PLCH1: variants seen among roughly 807,000 people sequenced by gnomAD.
PLCH1 encodes the protein phospholipase C eta 1, also known as 1-phosphatidylinositol 4,5-bisphosphate phosphodiesterase eta-1.
In PLCH1, 60 loss-of-function variants were observed where a neutral mutation model predicts 126.7. That is an observed-to-expected ratio of 0.47 (90% CI 0.38 to 0.59). The LOEUF is 0.59. Ranked by LOEUF, PLCH1 falls within the 20% of genes least tolerant of loss-of-function variation. The pLI is 0.00. For synonymous variants in PLCH1, 719 were observed against 734.9 expected, an observed-to-expected ratio of 0.98 and a Z score of 0.35; for missense variants, 1,723 against 2,040.0, an observed-to-expected ratio of 0.84 and a Z score of 2.99.
chr3:155,722,393 C>T (rs1383555589), intron 1 of PLCH1, among the ~76,000 whole-genome samples: 1 of 152,096 alleles, frequency 6.6e-6, no homozygotes, highest in Non-Finnish European at 1.5e-5. Flanking sequence ...AACTCCTGAC[C>T]TCAGGTGATC....
intron 13 of PLCH1, among the ~76,000 whole-genome samples, chr3:155,502,565 T>A (rs1481276321): frequency 6.6e-6 from 1 of 152,172 alleles, no homozygotes; most frequent in African/African-American, 2.4e-5. Context: ...GTAATAAATG[T>A]CTTTTTAAGA....
intron 2 of PLCH1, among the ~76,000 whole-genome samples, chr3:155,649,492 C>T (rs1343833379): frequency 6.6e-6 from 1 of 152,170 alleles, no homozygotes; most frequent in African/African-American, 2.4e-5. Flanking sequence ...TATGCTACAC[C>T]TCAGAGCAGC....
At chr3:155,689,400 T>C (rs899323041) in intron 2 of PLCH1, among the ~76,000 whole-genome samples, 19 of 152,012 alleles carry the variant, frequency 1.2e-4, no homozygotes, top group Admixed American at 5.2e-4. Context: ...ATCAGCATCA[T>C]CCAAGAAAAC....
intron 14 of PLCH1, among the ~76,000 whole-genome samples, chr3:155,499,616 ATGC>A (rs1717592816): frequency 6.6e-6 from 1 of 152,248 alleles, no homozygotes; most frequent in Admixed American, 6.5e-5. Context: ...ACTAAGCAGC[ATGC>A]AAAATGATTT....
At chr3:155,711,508 A>G (rs570044641) in intron 1 of PLCH1, among the ~76,000 whole-genome samples, 1 of 152,318 alleles carries the variant, frequency 6.6e-6, no homozygotes, top group Admixed American at 6.5e-5. Flanking sequence ...GACAATGAAA[A>G]AAAAAATCCT....
chr3:155,655,093 T>C (rs780212849), intron 2 of PLCH1, among the ~76,000 whole-genome samples: 12 of 152,176 alleles, frequency 7.9e-5, no homozygotes, highest in Non-Finnish European at 1.6e-4. Context: ...TATCCAGGCT[T>C]CTACTCAAAT....
chr3:155,518,250 T>C (rs1720619562), intron 11 of PLCH1, among the ~76,000 whole-genome samples: 1 of 152,222 alleles, frequency 6.6e-6, no homozygotes, highest in Non-Finnish European at 1.5e-5. Context: ...GGGGAGACTG[T>C]ATTGTACTAA....
intron 21 of PLCH1, among the ~76,000 whole-genome samples, chr3:155,458,507 G>C (rs1315764471): frequency 3.9e-5 from 4 of 102,212 alleles, no homozygotes; most frequent in Non-Finnish European, 7.2e-5. Flanking sequence ...AGAGAAAGAA[G>C]AGAGAGAAAT....
At chr3:155,598,713 G>GTAACTCATT (rs1733319285) in intron 2 of PLCH1, among the ~76,000 whole-genome samples, 2 of 152,156 alleles carry the variant, frequency 1.3e-5, no homozygotes, top group Admixed American at 1.3e-4. Flanking sequence ...CATACAGCTA[G>GTAACTCATT]TAACTCATTT....
intron 10 of PLCH1, among the ~76,000 whole-genome samples, chr3:155,531,686 C>T (rs1722700983): frequency 6.6e-6 from 1 of 152,176 alleles, no homozygotes; most frequent in South Asian, 2.1e-4. Context: ...TTAGCTAAAC[C>T]TTCTAGATCC....
rs1436802749 is a variant in PLCH1, at chr3:155,573,923, C to CT, written c.772-5600dup. On this transcript the variant is annotated intron_variant, in intron 6 of 22. Coordinates refer to ENST00000460012, the MANE Select transcript of PLCH1 (RefSeq NM_014996.4). ...ATCACTTAGTCAAATCCTCTTACCT[C>CT]TTTTTTTTTAGATAGAGTCTCACTC... is the stretch of plus-strand genomic sequence containing the variant. 4.0e-5 allele frequency among the ~76,000 whole-genome samples: 6 copies of CT among 151,060 alleles called. No homozygotes were observed. The East Asian group carries it at 5.8e-4, about 15-fold the overall frequency.
intron 1 of PLCH1, chr3:155,743,523 C>A (rs1448937919): frequency 4.4e-6 from 2 of 450,226 alleles, no homozygotes; most frequent in African/African-American, 4.1e-5. Context: ...CAGAGCCAGA[C>A]TCCGTCTCAA....
chr3:155,546,125 A>T (rs1425492595), intron 10 of PLCH1, among the ~76,000 whole-genome samples: 2 of 152,170 alleles, frequency 1.3e-5, no homozygotes, highest in African/African-American at 2.4e-5. Flanking sequence ...ACATGTTTGT[A>T]TATCTAGAAA....
At chr3:155,530,671 T>C (rs1035066992) in intron 10 of PLCH1, among the ~76,000 whole-genome samples, 12 of 152,192 alleles carry the variant, frequency 7.9e-5, no homozygotes, top group African/African-American at 2.7e-4. Flanking sequence ...TCCATCAGGA[T>C]TGGAATCATC....
intron 2 of PLCH1, among the ~76,000 whole-genome samples, chr3:155,694,892 TCTC>T (rs1745678634): frequency 6.6e-6 from 1 of 151,780 alleles, no homozygotes; most frequent in Non-Finnish European, 1.5e-5. Flanking sequence ...GTTTGATTAT[TCTC>T]CTCATGTACC....
intron 1 of PLCH1, among the ~76,000 whole-genome samples, chr3:155,721,656 CCA>C (rs1747954823): frequency 6.6e-6 from 1 of 152,170 alleles, no homozygotes; most frequent in African/African-American, 2.4e-5. Flanking sequence ...CGGCAAAAAA[CCA>C]CAGTTAGACT....
chr3:155,608,668 G>A (rs901724884), intron 2 of PLCH1, among the ~76,000 whole-genome samples: 5 of 151,984 alleles, frequency 3.3e-5, no homozygotes, highest in Non-Finnish European at 5.9e-5. Context: ...TAATTCCATC[G>A]GCCATCCCAC....
intron 10 of PLCH1, among the ~76,000 whole-genome samples, chr3:155,537,424 C>G (rs1054713174): frequency 1.3e-5 from 2 of 151,930 alleles, no homozygotes; most frequent in African/African-American, 4.8e-5. Flanking sequence ...TGTAGATGGT[C>G]TAAATGCTCC....
At chr3:155,692,903 C>A (rs1745508827) in intron 2 of PLCH1, among the ~76,000 whole-genome samples, 1 of 152,042 alleles carries the variant, frequency 6.6e-6, no homozygotes, top group Non-Finnish European at 1.5e-5. Context: ...GGATCTCCTG[C>A]CTCAGAGTAG....
Sources: gnomAD v4.1 joint callset for allele counts (sites outside exome capture counted in the v4.1 genomes callset) on GRCh38, gnomAD v4.1.1 for gene constraint, MANE v1.5 for transcripts, NCBI Gene and HGNC (gene_info 2026-07-23, HGNC 2026-07-21) for gene names.